FARS2: variants seen among roughly 807,000 people sequenced by gnomAD.
FARS2 encodes phenylalanine--tRNA ligase, mitochondrial.
In FARS2, 40 loss-of-function variants were observed where a neutral mutation model predicts 46.4. That is an observed-to-expected ratio of 0.86 (90% CI 0.67 to 1.12). The LOEUF is 1.12. Ranked by LOEUF, FARS2 falls within the 50% of genes most tolerant of loss-of-function variation. The pLI, the probability that FARS2 is intolerant of heterozygous loss-of-function variation, is 0.00. For synonymous variants in FARS2, 234 were observed against 214.9 expected (o/e 1.09, Z -0.78); for missense variants, 513 against 567.9 (o/e 0.90, Z 0.98).
chr6:5,544,556 A>G (rs1770842824), intron 4 of FARS2, among the ~76,000 whole-genome samples: 1 of 152,134 alleles, frequency 6.6e-6, no homozygotes. Context: ...TATGGCACTG[A>G]CACAATCTGA....
intron 1 of FARS2, among the ~76,000 whole-genome samples, chr6:5,357,859 G>T (rs978177767): frequency 6.6e-6 from 1 of 152,198 alleles, no homozygotes; most frequent in Non-Finnish European, 1.5e-5. Context: ...GTGTTATGAG[G>T]ATTAAAAGAA....
chr6:5,267,071 C>T (rs1330093392), intron 1 of FARS2, among the ~76,000 whole-genome samples: 1 of 151,506 alleles, frequency 6.6e-6, no homozygotes, highest in African/African-American at 2.4e-5. Flanking sequence ...CTAAGGGTTC[C>T]CGTATTTGTG....
intron 6 of FARS2, among the ~76,000 whole-genome samples, chr6:5,708,117 A>G (rs1214671940): frequency 6.6e-5 from 10 of 152,102 alleles, no homozygotes; most frequent in Admixed American, 4.6e-4. Flanking sequence ...GTTGTAGAAC[A>G]GTGAACTGTC....
At chr6:5,257,344 TCACCCCTTGGGAGGCCTTCTAGATTC>T (rs1764726570), upstream of FARS2, among the ~76,000 whole-genome samples, 1 of 152,152 alleles carries the variant, frequency 6.6e-6, no homozygotes, top group Non-Finnish European at 1.5e-5. Context: ...TGATCCAACA[TCACCCCTTGGGAGGCCTTCTAGATTC>T]CACACCTTGT....
intron 4 of FARS2, among the ~76,000 whole-genome samples, chr6:5,460,847 C>T (rs1296285748): frequency 6.6e-6 from 1 of 152,052 alleles, no homozygotes; most frequent in African/African-American, 2.4e-5. Flanking sequence ...TCAAGGAACT[C>T]AGTTGTCAGG....
At chr6:5,580,038 TC>T (rs1773234212) in intron 5 of FARS2, among the ~76,000 whole-genome samples, 1 of 151,928 alleles carries the variant, frequency 6.6e-6, no homozygotes, top group African/African-American at 2.4e-5. Flanking sequence ...ATGCCTGTAA[TC>T]CCAACACTTT....
intron 4 of FARS2, among the ~76,000 whole-genome samples, chr6:5,482,542 C>G (rs532765295): frequency 7.2e-5 from 11 of 152,272 alleles, no homozygotes; most frequent in Non-Finnish European, 1.0e-4. Flanking sequence ...TTTGCTTCCT[C>G]CAGGTATTGA....
At chr6:5,250,112 ACTC>A in the FARS2 span, among the ~76,000 whole-genome samples, 2 of 151,196 alleles carry the variant, frequency 1.3e-5, no homozygotes, top group African/African-American at 2.4e-5. Context: ...GCCTAACTTT[ACTC>A]CTCATTTTCT....
intron 6 of FARS2, among the ~76,000 whole-genome samples, chr6:5,690,026 C>T (rs555328722): frequency 6.6e-6 from 1 of 152,250 alleles, no homozygotes; most frequent in East Asian, 1.9e-4. Context: ...GCAACCTCTG[C>T]CTTTTTTTAT....
intron 6 of FARS2, among the ~76,000 whole-genome samples, chr6:5,656,132 A>G (rs1361985343): frequency 6.6e-6 from 1 of 152,168 alleles, no homozygotes; most frequent in Non-Finnish European, 1.5e-5. Context: ...CTCCAAGTAC[A>G]ATGGAAGACA....
intron 6 of FARS2, among the ~76,000 whole-genome samples, chr6:5,710,792 C>T (rs1253802078): frequency 2.6e-5 from 4 of 152,114 alleles, no homozygotes; most frequent in South Asian, 2.1e-4. Context: ...TAGGGGCTCA[C>T]GTGGCAACTG....
At chr6:5,743,716 T>TG (rs1053723088) in intron 6 of FARS2, among the ~76,000 whole-genome samples, 3 of 152,122 alleles carry the variant, frequency 2.0e-5, no homozygotes, top group African/African-American at 4.8e-5. Context: ...CTGGAGGAGT[T>TG]GGGGGAGAAA....
At chr6:5,508,086 A>G (rs977485323) in intron 4 of FARS2, among the ~76,000 whole-genome samples, 4 of 152,230 alleles carry the variant, frequency 2.6e-5, no homozygotes, top group African/African-American at 7.2e-5. Flanking sequence ...TCCTCTACTT[A>G]TTTTCTAGCA....
chr6:5,389,579 C>A (rs564940705), intron 2 of FARS2, among the ~76,000 whole-genome samples: 155 of 152,276 alleles, frequency 1.0e-3, no homozygotes, highest in Non-Finnish European at 1.9e-3. Context: ...TCCCATCAGA[C>A]TTTACCTTTT....
chr6:5,458,590 A>C (rs779182251), intron 4 of FARS2, among the ~76,000 whole-genome samples: 1 of 152,184 alleles, frequency 6.6e-6, no homozygotes, highest in African/African-American at 2.4e-5. Context: ...AGCCCTGAGC[A>C]GTTATATAAT....
intron 2 of FARS2, among the ~76,000 whole-genome samples, chr6:5,394,188 C>T (rs1013096878): frequency 3.9e-5 from 6 of 152,164 alleles, no homozygotes; most frequent in African/African-American, 9.7e-5. Context: ...AGTCCTGCAC[C>T]GCAAAACATT....
At chr6:5,496,793 G>A (rs968478653) in intron 4 of FARS2, among the ~76,000 whole-genome samples, 1 of 152,034 alleles carries the variant, frequency 6.6e-6, no homozygotes, top group African/African-American at 2.4e-5. Flanking sequence ...GAGGTCCTGG[G>A]GGTTAGGACT....
At chr6:5,393,766 T>A (rs1760728561) in intron 2 of FARS2, among the ~76,000 whole-genome samples, 1 of 152,256 alleles carries the variant, frequency 6.6e-6, no homozygotes, top group Admixed American at 6.5e-5. Flanking sequence ...AGGCACCCTT[T>A]TCCTCTTTGA....
intron 1 of FARS2, among the ~76,000 whole-genome samples, chr6:5,325,179 A>G (rs1257780429): frequency 6.6e-6 from 1 of 152,136 alleles, no homozygotes; most frequent in East Asian, 1.9e-4. Flanking sequence ...ACCCCCTTGT[A>G]AGCTGGGAGC....
Sources: gnomAD v4.1 joint callset for allele counts (sites outside exome capture counted in the v4.1 genomes callset) on GRCh38, gnomAD v4.1.1 for gene constraint, MANE v1.5 for transcripts, NCBI Gene and HGNC (gene_info 2026-07-23, HGNC 2026-07-21) for gene names.